METTL5: variants seen among roughly 807,000 people sequenced by gnomAD.
The protein encoded by METTL5 is methyltransferase 5, N6-adenosine, also known as rRNA N(6)-adenosine-methyltransferase METTL5.
METTL5 carries 28 observed loss-of-function variants against 26.5 expected under a neutral mutation model. The observed-to-expected ratio is 1.06, with a 90% CI of 0.78 to 1.45. The LOEUF (loss-of-function observed/expected upper bound fraction) is 1.45, where lower values mean the gene tolerates loss of function less well. Ranked by LOEUF, METTL5 falls within the 40% of genes most tolerant of loss-of-function variation. The pLI is 0.00. For missense variants in METTL5, 231 were observed against 249.9 expected (o/e 0.92, Z 0.51); for synonymous variants, 86 against 82.6 (o/e 1.04, Z -0.22).
chr2:169,821,192 A>T lies in METTL5; in HGVS notation c.306T>A (p.Ile102=). The T allele has an allele frequency of 6.2e-7, 1 of 1,612,706 alleles. No individual in the cohort carries two copies. The highest frequency in any genetic ancestry group is 8.5e-7 in the Non-Finnish European group (1 of 1,179,098). Residue 102 remains isoleucine (I), a synonymous_variant, in exon 3 of 7, where the codon ATT becomes ATA. Transcript: ENST00000260953. ...RNAEEFELTN[I]DMVQCDVCLL... Reference sequence around the variant, plus strand: ...AGCACACATCACATTGAACCATGTCAATATTTGTTAACTCAAACTCTTCTG... The same window carrying T: ...AGCACACATCACATTGAACCATGTCTATATTTGTTAACTCAAACTCTTCTG...
At position 169,811,866 on chromosome 2, in the gene METTL5, A is replaced by T; in HGVS notation, c.592-8T>A. On this transcript the variant is annotated splice_region_variant and splice_polypyrimidine_tract_variant and intron_variant, in intron 6 of 6. Coordinates refer to ENST00000260953, the MANE Select transcript of METTL5 (RefSeq NM_014168.4). ...GTCCACTTCAATGTCCACCTGTGAGAAAGGAAAAATTTTTTTGTTGTTTAA... is the reference window on the plus strand; with the variant it reads ...GTCCACTTCAATGTCCACCTGTGAGTAAGGAAAAATTTTTTTGTTGTTTAA... 2 of 1,612,242 alleles carry T rather than the reference A, an allele frequency of 1.2e-6. No individual in the cohort carries two copies. Among genetic ancestry groups the T allele is most frequent in the Non-Finnish European group, 1.7e-6 (2 of 1,179,504 alleles).
intron 4 of METTL5, among the ~76,000 whole-genome samples, chr2:169,815,875 C>T (rs2081499121): frequency 6.6e-6 from 1 of 152,160 alleles, no homozygotes; most frequent in Admixed American, 6.5e-5. Context: ...GCTATCTTGA[C>T]ATCACAGCAC....
intron 1 of METTL5, among the ~76,000 whole-genome samples, chr2:169,823,516 C>T (rs993840952): frequency 4.6e-5 from 7 of 152,156 alleles, no homozygotes; most frequent in African/African-American, 1.7e-4. Context: ...CAGGTACTCT[C>T]AGAAAATTAA....
At position 169,821,075 on chromosome 2, in the gene METTL5, C is replaced by T. The variant is rs369716811; in HGVS notation, c.406+17G>A. Reference sequence around the variant, plus strand: ...TTTTCTATAAATATACCAATATACCCGATTCTTGTTACAAACCTTTATTAT... The same window carrying T: ...TTTTCTATAAATATACCAATATACCTGATTCTTGTTACAAACCTTTATTAT... On this transcript the variant is annotated intron_variant, in intron 3 of 6. Coordinates refer to ENST00000260953, the MANE Select transcript of METTL5 (RefSeq NM_014168.4). The T allele has an allele frequency of 5.7e-5, 89 of 1,559,200 alleles. 1 individual carries two copies. The African/African-American group carries it at 1.1e-3, about 18-fold the overall frequency.
At chr2:169,820,274 C>T (rs1217772526) in intron 3 of METTL5, among the ~76,000 whole-genome samples, 18 of 152,158 alleles carry the variant, frequency 1.2e-4, no homozygotes, top group African/African-American at 4.3e-4. Flanking sequence ...CATGTCTTTT[C>T]CTACCCTCAC....
At chr2:169,814,781 T>C (rs970686692) in intron 5 of METTL5, among the ~76,000 whole-genome samples, 2 of 152,072 alleles carry the variant, frequency 1.3e-5, no homozygotes, top group East Asian at 3.9e-4. Flanking sequence ...TTCACCATGT[T>C]AGCCAGGATA....
intron 5 of METTL5, 146 bp from the exon 6 acceptor site, chr2:169,812,652 G>A (rs191299078): frequency 9.9e-6 from 8 of 808,842 alleles, no homozygotes; most frequent in Admixed American, 9.2e-5. Context: ...TCCAAGTAGT[G>A]ACTTCTGTAT....
chr2:169,822,073 A>T lies in METTL5; in HGVS notation c.110-16T>A. 6.3e-7 allele frequency: 1 copy of T among 1,581,546 alleles called. No homozygotes were observed. The highest frequency in any genetic ancestry group is 8.5e-7 in the Non-Finnish European group (1 of 1,173,106). The stretch of plus-strand genomic sequence containing the variant: ...AGCATACATGCTAAAAAATAAAAAA[A>T]AAAAGAATAAGTAAGCAAGCCGGTG... On this transcript the variant is annotated splice_polypyrimidine_tract_variant and intron_variant, in intron 1 of 6. Transcript: ENST00000260953.
chr2:169,815,427 G>C (rs760596872), intron 5 of METTL5, 50 bp downstream of exon 5: 1 of 1,407,888 alleles, frequency 7.1e-7, no homozygotes, highest in Non-Finnish European at 9.9e-7. Flanking sequence ...ATTTTGGTTG[G>C]GCGAATACAT....
intron 4 of METTL5, among the ~76,000 whole-genome samples, chr2:169,817,661 A>G (rs1323129242): frequency 6.6e-6 from 1 of 151,522 alleles, no homozygotes; most frequent in African/African-American, 2.4e-5. Flanking sequence ...AAACTATCAC[A>G]AGGACAGAAA....
intron 1 of METTL5, chr2:169,824,062 T>C (rs2105725569): frequency 5.9e-6 from 1 of 168,136 alleles, no homozygotes. Flanking sequence ...GGGCAGAGTA[T>C]ATAGCACAAG....
chr2:169,815,596 T>A, intron 4 of METTL5, 68 bp from the exon 5 acceptor site: 1 of 1,196,538 alleles, frequency 8.4e-7, no homozygotes, highest in Non-Finnish European at 1.2e-6. Flanking sequence ...TGCTTTTTAC[T>A]AATACTTGAG....
In METTL5 at chr2:169,821,895, C is replaced by T. The variant is rs371144097; in HGVS notation, c.224+48G>A. 7.4e-5 allele frequency: 116 copies of T among 1,557,362 alleles called. No individual in the cohort carries two copies. In the African/African-American group the frequency reaches 1.5e-3, roughly 20 times the overall value. On this transcript the variant is annotated intron_variant, in intron 2 of 6. Coordinates refer to ENST00000260953, the MANE Select transcript of METTL5 (RefSeq NM_014168.4). ...AATTCAGTTAATCCCATTGATGCTCCTTATTAAAGCCACCCAATACCCAAA... is the reference window on the plus strand; with the variant it reads ...AATTCAGTTAATCCCATTGATGCTCTTTATTAAAGCCACCCAATACCCAAA...
chr2:169,822,316 G>A (rs909682927), intron 1 of METTL5, among the ~76,000 whole-genome samples: 1 of 151,726 alleles, frequency 6.6e-6, no homozygotes, highest in African/African-American at 2.4e-5. Flanking sequence ...ACTGTGCCCA[G>A]TCTCTGAGGT....
intron 6 of METTL5, 195 bp downstream of exon 6, chr2:169,812,262 C>A: frequency 1.2e-6 from 1 of 805,142 alleles, no homozygotes; most frequent in Non-Finnish European, 2.0e-6. Flanking sequence ...TTTTTCGAGA[C>A]TGAGTCTCAC....
intron 4 of METTL5, among the ~76,000 whole-genome samples, chr2:169,818,076 T>G (rs1486306737): frequency 6.6e-6 from 1 of 152,182 alleles, no homozygotes; most frequent in Non-Finnish European, 1.5e-5. Context: ...AGTGACTGAC[T>G]GTGCCTAACA....
intron 5 of METTL5, chr2:169,812,915 C>T (rs1690020330): frequency 6.4e-6 from 1 of 155,592 alleles, no homozygotes; most frequent in Non-Finnish European, 1.4e-5. Flanking sequence ...CTCCTAAGCT[C>T]TAAAACGAAA....
At chr2:169,819,514 T>C (rs756188295) in intron 4 of METTL5, 47 bp downstream of exon 4, 3 of 1,421,324 alleles carry the variant, frequency 2.1e-6, no homozygotes, top group South Asian at 2.3e-5. Flanking sequence ...AACACTGTCA[T>C]GAATTTAAAA....
In METTL5 at chr2:169,819,620, T is replaced by C; in HGVS notation, c.430A>G (p.Thr144Ala). The C allele has an allele frequency of 3.1e-6, 5 of 1,613,106 alleles. No individual in the cohort carries two copies. The highest frequency in any genetic ancestry group is 4.2e-6 in the Non-Finnish European group (5 of 1,179,418). The change falls in exon 4 of 7, where the codon ACT (threonine) becomes GCT (alanine). Residue 144 changes from threonine to alanine, a missense_variant. Thr to Ala is a moderately conservative substitution (Grantham distance 58). Coordinates refer to ENST00000260953, the MANE Select transcript of METTL5 (RefSeq NM_014168.4). ...GCTGTTCTTGCCATTTCCAAAGCAG[T>C]CTTTAGAAAAGCCATATCTGTCCCT... ...NKGTDMAFLKTALEMARTAVY... is the reference protein window; with the variant it reads ...NKGTDMAFLKAALEMARTAVY...
Sources: allele counts gnomAD v4.1 joint callset (sites outside exome capture counted in the v4.1 genomes callset), GRCh38; gene constraint gnomAD v4.1.1; transcripts MANE v1.5; gene names NCBI Gene and HGNC (gene_info 2026-07-23, HGNC 2026-07-21).